Variants in SLC24A2 observed in about 807,000 individuals in gnomAD.
SLC24A2 encodes the protein sodium/potassium/calcium exchanger 2.
In SLC24A2, 36 loss-of-function variants were observed where a neutral mutation model predicts 62.0. The ratio of observed to expected loss-of-function variants is 0.58; its 90% confidence interval spans 0.44 to 0.77. The LOEUF (loss-of-function observed/expected upper bound fraction) is 0.77. SLC24A2 is among the 30% of genes least tolerant of loss of function. The probability of loss-of-function intolerance (pLI) is 0.00; values close to 1 mark genes in which losing one functional copy is unlikely to be tolerated. For missense variants in SLC24A2, 846 were observed against 817.9 expected (o/e 1.03, Z -0.42); for synonymous variants, 358 against 294.0 (o/e 1.22, Z -2.23).
At chr9:19,690,913 G>A (rs1161981893) in intron 2 of SLC24A2, among the ~76,000 whole-genome samples, 3 of 85,946 alleles carry the variant, frequency 3.5e-5, no homozygotes, top group African/African-American at 6.0e-5. Flanking sequence ...TTGTGTGTGT[G>A]CGTGTGAGAG....
At chr9:19,891,028 G>C in the SLC24A2 span, among the ~76,000 whole-genome samples, 1 of 152,120 alleles carries the variant, frequency 6.6e-6, no homozygotes, top group Non-Finnish European at 1.5e-5. Context: ...TCCCCCACTT[G>C]TTAAGTAAAA....
chr9:20,214,008 A>G, the SLC24A2 span, among the ~76,000 whole-genome samples: 5 of 152,218 alleles, frequency 3.3e-5, no homozygotes, highest in South Asian at 2.1e-4. Flanking sequence ...AATGTCTTCA[A>G]TGTCCATCCA....
the SLC24A2 span, among the ~76,000 whole-genome samples, chr9:20,152,609 C>T: frequency 6.6e-6 from 1 of 151,996 alleles, no homozygotes; most frequent in East Asian, 1.9e-4. Context: ...TATTAAACAA[C>T]AAGCTGAAAT....
At chr9:19,544,077 G>A (rs200093518) in intron 8 of SLC24A2, among the ~76,000 whole-genome samples, 1 of 152,044 alleles carries the variant, frequency 6.6e-6, no homozygotes, top group African/African-American at 2.4e-5. Flanking sequence ...TCTCTTTGTG[G>A]ATCTCTAAGA....
intron 8 of SLC24A2, among the ~76,000 whole-genome samples, chr9:19,530,529 A>G (rs1203266067): frequency 1.3e-5 from 2 of 152,218 alleles, no homozygotes; most frequent in Non-Finnish European, 2.9e-5. Flanking sequence ...ATAACTTCAC[A>G]AGTCAGAATC....
the SLC24A2 span, among the ~76,000 whole-genome samples, chr9:20,049,775 C>T: frequency 7.8e-3 from 1,177 of 151,110 alleles, 9 homozygotes; most frequent in Non-Finnish European, 0.013. Flanking sequence ...CACCCATAAA[C>T]TACAGGGATT....
At chr9:20,302,670 T>A in the SLC24A2 span, among the ~76,000 whole-genome samples, 6 of 152,356 alleles carry the variant, frequency 3.9e-5, no homozygotes, top group East Asian at 1.2e-3. Context: ...TCTCCCAGTC[T>A]ATGGCTTGTC....
rs556660749 is a variant in SLC24A2, at chr9:19,589,235, G to C, written c.1129+7994C>G. ...ATGAAAATATCCTAAATGTTCAACA[G>C]GGTACTGATTGAACCAACCATGGAA... On this transcript the variant is annotated intron_variant, in intron 5 of 10. Coordinates refer to ENST00000341998, the MANE Select transcript of SLC24A2 (RefSeq NM_020344.4). Among the ~76,000 whole-genome samples, 4 of 152,310 alleles carry C rather than the reference G, an allele frequency of 2.6e-5. No homozygotes were observed. In the East Asian group the frequency reaches 7.7e-4, roughly 29 times the overall value.
intron 2 of SLC24A2, among the ~76,000 whole-genome samples, chr9:19,733,921 T>A (rs1242697271): frequency 2.0e-5 from 3 of 151,994 alleles, no homozygotes; most frequent in Non-Finnish European, 4.4e-5. Context: ...TTTCAGGTAA[T>A]AAGTCCAGGA....
intron 2 of SLC24A2, among the ~76,000 whole-genome samples, chr9:19,719,989 T>G (rs994804181): frequency 6.6e-6 from 1 of 152,150 alleles, no homozygotes; most frequent in Non-Finnish European, 1.5e-5. Flanking sequence ...CCACTGAAAC[T>G]CTATGATATG....
the SLC24A2 span, among the ~76,000 whole-genome samples, chr9:19,877,331 A>G: frequency 1.4e-5 from 2 of 145,108 alleles, no homozygotes; most frequent in African/African-American, 5.0e-5. Flanking sequence ...TTTGTATATG[A>G]AAATGGTCAG....
chr9:20,233,592 C>T, the SLC24A2 span, among the ~76,000 whole-genome samples: 3 of 152,176 alleles, frequency 2.0e-5, no homozygotes, highest in African/African-American at 4.8e-5. Context: ...GATCTTCCTC[C>T]ATCCCTGCAT....
At chr9:19,631,107 G>C (rs1818167772) in intron 2 of SLC24A2, among the ~76,000 whole-genome samples, 1 of 152,182 alleles carries the variant, frequency 6.6e-6, no homozygotes. Context: ...TCTGAGGGCA[G>C]AGACCATGTC....
the SLC24A2 span, among the ~76,000 whole-genome samples, chr9:20,111,589 T>C: frequency 6.6e-6 from 1 of 152,162 alleles, no homozygotes; most frequent in Non-Finnish European, 1.5e-5. Flanking sequence ...CAGCAGCATC[T>C]ATATCAGCTG....
chr9:20,136,637 C>A, the SLC24A2 span, among the ~76,000 whole-genome samples: 58 of 152,226 alleles, frequency 3.8e-4, no homozygotes, highest in African/African-American at 1.3e-3. Context: ...AAGTTTGCAA[C>A]AAATTGACCA....
the SLC24A2 span, among the ~76,000 whole-genome samples, chr9:20,075,838 C>G: frequency 1.3e-5 from 2 of 152,186 alleles, no homozygotes; most frequent in East Asian, 3.8e-4. Flanking sequence ...ACAGTCATCC[C>G]TCGGCATCCA....
chr9:19,597,329 A>G, intron 4 of SLC24A2, 50 bp from the exon 5 acceptor site: 1 of 1,220,376 alleles, frequency 8.2e-7, no homozygotes, highest in Non-Finnish European at 1.2e-6. Flanking sequence ...GCTATAATGC[A>G]AGAACTTTGT....
chr9:19,911,195 A>C, the SLC24A2 span, among the ~76,000 whole-genome samples: 1 of 151,172 alleles, frequency 6.6e-6, no homozygotes, highest in Middle Eastern at 3.4e-3. Flanking sequence ...GCGATAGTTT[A>C]CTGAGAATGA....
At chr9:20,025,230 C>T in the SLC24A2 span, among the ~76,000 whole-genome samples, 2 of 152,218 alleles carry the variant, frequency 1.3e-5, no homozygotes, top group East Asian at 1.9e-4. Flanking sequence ...TGTTTGAAAA[C>T]ACTACGCTAG....
Sources: allele counts gnomAD v4.1 joint callset (sites outside exome capture counted in the v4.1 genomes callset), GRCh38; gene constraint gnomAD v4.1.1; transcripts MANE v1.5; gene names NCBI Gene and HGNC (gene_info 2026-07-23, HGNC 2026-07-21).